Variants in PDE6C observed in about 807,000 individuals in gnomAD.
PDE6C encodes cone cGMP-specific 3',5'-cyclic phosphodiesterase subunit alpha'.
PDE6C carries 75 observed loss-of-function variants against 113.1 expected under a neutral mutation model. That is an observed-to-expected ratio of 0.66 (90% CI 0.55 to 0.80). PDE6C has a LOEUF of 0.80. Among genes scored for constraint, PDE6C ranks in the 30% least tolerant of loss-of-function variants. The pLI is 0.00. For synonymous variants in PDE6C, 375 were observed against 363.7 expected (o/e 1.03, Z -0.35); for missense variants, 912 against 1,038.6 (o/e 0.88, Z 1.67).
intron 4 of PDE6C, among the ~76,000 whole-genome samples, chr10:93,622,427 G>A (rs2058451098): frequency 6.6e-6 from 1 of 151,932 alleles, no homozygotes; most frequent in Admixed American, 6.6e-5. Flanking sequence ...TTAGTGTGGT[G>A]TGATGAATCA....
chr10:93,649,764 C>T (rs1266593729), intron 15 of PDE6C, among the ~76,000 whole-genome samples: 1 of 152,070 alleles, frequency 6.6e-6, no homozygotes, highest in Non-Finnish European at 1.5e-5. Flanking sequence ...ACCACCACTC[C>T]CGGTTAATTT....
chr10:93,626,232 A>G (rs1353823553), intron 5 of PDE6C, among the ~76,000 whole-genome samples: 2 of 152,216 alleles, frequency 1.3e-5, no homozygotes, highest in African/African-American at 2.4e-5. Context: ...GTCACTATAT[A>G]TAATGTAAAA....
At chr10:93,649,517 T>A (rs544681134) in intron 15 of PDE6C, among the ~76,000 whole-genome samples, 1 of 152,332 alleles carries the variant, frequency 6.6e-6, no homozygotes, top group South Asian at 2.1e-4. Context: ...AAGGACTCCA[T>A]GTGTTCCCAC....
intron 15 of PDE6C, among the ~76,000 whole-genome samples, chr10:93,652,250 A>G (rs1235363507): frequency 6.6e-6 from 1 of 152,224 alleles, no homozygotes; most frequent in East Asian, 1.9e-4. Context: ...AAATTTGGCC[A>G]AGTGCTTTCT....
In PDE6C at chr10:93,629,239, G is replaced by A. The variant is rs567147010; in HGVS notation, c.1072-19G>A. ...CACTACACAATATTTCAGACCATTT[G>A]TCTCCTCTTGCCTTCCAGATCTGTA... On this transcript the variant is annotated intron_variant, in intron 7 of 21. Transcript: ENST00000371447. 5.0e-6 allele frequency: 8 copies of A among 1,598,468 alleles called. No homozygotes were observed. The African/African-American group carries it at 5.4e-5, about 11-fold the overall frequency.
Position 93,620,922 on chromosome 10 carries a change from T to A in PDE6C, c.665T>A (p.Ile222Asn). 1 of 1,614,130 alleles carries A rather than the reference T, an allele frequency of 6.2e-7. No homozygotes were observed. The highest frequency in any genetic ancestry group is 8.5e-7 in the Non-Finnish European group (1 of 1,179,988). The change falls in exon 3 of 22, where the codon ATC becomes AAC. Residue 222 changes from isoleucine to asparagine, a missense_variant. Coordinates refer to ENST00000371447, the MANE Select transcript of PDE6C (RefSeq NM_006204.4). ...TCCAAATACCTCAACTTTGTGTCTA[T>A]CATCCTAAGGCTTCATCACACCAGC... The part of the protein sequence containing the change: ...VFSKYLNFVS[I>N]ILRLHHTSYM...
intron 18 of PDE6C, among the ~76,000 whole-genome samples, chr10:93,660,898 G>C (rs184000035): frequency 5.3e-5 from 8 of 152,138 alleles, no homozygotes; most frequent in Non-Finnish European, 1.2e-4. Flanking sequence ...CCTCTGACTT[G>C]CTGCCAGGAT....
At chr10:93,645,914 G>T in intron 14 of PDE6C, 46 bp from the exon 15 acceptor site, 1 of 1,130,604 alleles carries the variant, frequency 8.8e-7, no homozygotes, top group Non-Finnish European at 1.4e-6. Flanking sequence ...GAACCTATGT[G>T]TAATTTTTAA....
chr10:93,619,982 G>T (rs982348474), intron 1 of PDE6C, among the ~76,000 whole-genome samples: 1 of 152,038 alleles, frequency 6.6e-6, no homozygotes, highest in African/African-American at 2.4e-5. Flanking sequence ...CATATGCATT[G>T]GTCTTCAGGG....
intron 18 of PDE6C, among the ~76,000 whole-genome samples, chr10:93,659,709 G>A (rs1391247564): frequency 1.3e-5 from 2 of 152,180 alleles, no homozygotes; most frequent in Non-Finnish European, 2.9e-5. Flanking sequence ...TTGTCCCCAT[G>A]ATCCAATTAC....
chr10:93,615,484 C>T (rs911459574), intron 1 of PDE6C, among the ~76,000 whole-genome samples: 5 of 152,174 alleles, frequency 3.3e-5, no homozygotes, highest in Non-Finnish European at 7.4e-5. Context: ...CGGGTTCAAG[C>T]AATTATCCTG....
intron 10 of PDE6C, among the ~76,000 whole-genome samples, chr10:93,636,174 G>T (rs1026447438): frequency 1.3e-5 from 2 of 152,160 alleles, no homozygotes; most frequent in Non-Finnish European, 2.9e-5. Context: ...ACCTAACTGT[G>T]CAGGCATACT....
At chr10:93,660,971 A>G (rs1294752993) in intron 18 of PDE6C, among the ~76,000 whole-genome samples, 1 of 152,130 alleles carries the variant, frequency 6.6e-6, no homozygotes, top group Admixed American at 6.6e-5. Context: ...CCCCATTGCC[A>G]GAGGTTTCCA....
Position 93,662,931 on chromosome 10 carries a change from T to G in PDE6C, c.2368-97T>G, listed in dbSNP as rs1263498760. ...TTAAACTTATCCTAGCAGCTCTGAGTGCTGTAACAATTCCTTACAGCTCAC... is the reference window on the plus strand; with the variant it reads ...TTAAACTTATCCTAGCAGCTCTGAGGGCTGTAACAATTCCTTACAGCTCAC... On this transcript the variant is annotated intron_variant, in intron 20 of 21. Transcript: ENST00000371447. 8.4e-6 allele frequency: 9 copies of G among 1,065,678 alleles called. No homozygotes were observed. The Admixed American group carries it at 1.5e-4, about 18-fold the overall frequency. 66.0% of individuals were successfully genotyped at this position (1,065,678 alleles called of 1,614,324 possible).
chr10:93,664,380 T>C (rs1368822472), intron 21 of PDE6C, among the ~76,000 whole-genome samples: 1 of 152,132 alleles, frequency 6.6e-6, no homozygotes, highest in East Asian at 1.9e-4. Context: ...ATTGAAAAAT[T>C]TTTAAGCTGA....
chr10:93,618,970 A>G (rs1400194987), intron 1 of PDE6C, among the ~76,000 whole-genome samples: 5 of 152,236 alleles, frequency 3.3e-5, no homozygotes, highest in Admixed American at 6.5e-5. Flanking sequence ...CAACTGTGGA[A>G]GGAATACCGC....
chr10:93,633,473 A>AT (rs1318070186), intron 8 of PDE6C, among the ~76,000 whole-genome samples: 1 of 144,450 alleles, frequency 6.9e-6, no homozygotes, highest in East Asian at 2.0e-4. Flanking sequence ...CTCAAAAAAA[A>AT]AAAAAAATAA....
chr10:93,658,991 C>A lies in PDE6C; in HGVS notation c.2127C>A (p.Thr709=). ...TCAAATATGTAACTGTTGATCCAACCAAGAAAGAGATTATCATGTAGGTAG... is the reference window on the plus strand; with the variant it reads ...TCAAATATGTAACTGTTGATCCAACAAAGAAAGAGATTATCATGTAGGTAG... ...EAIKYVTVDP[T]KKEIIMAMMM... is the part of the protein sequence containing the mutation. Residue 709 remains threonine, a synonymous_variant, in exon 17 of 22, where the codon ACC becomes ACA. Transcript: ENST00000371447. The A allele has an allele frequency of 1.2e-6, 2 of 1,606,254 alleles. No individual in the cohort carries two copies. The highest frequency in any genetic ancestry group is 1.1e-5 in the South Asian group (1 of 90,916).
At chr10:93,618,276 G>A (rs988338843) in intron 1 of PDE6C, among the ~76,000 whole-genome samples, 1 of 152,124 alleles carries the variant, frequency 6.6e-6, no homozygotes, top group African/African-American at 2.4e-5. Context: ...AATACTATGT[G>A]CCAGACACTC....
Sources: allele counts gnomAD v4.1 joint callset (sites outside exome capture counted in the v4.1 genomes callset), GRCh38; gene constraint gnomAD v4.1.1; transcripts MANE v1.5; gene names NCBI Gene and HGNC (gene_info 2026-07-23, HGNC 2026-07-21).